Variants in DPCD observed in about 807,000 individuals in gnomAD.
The protein encoded by DPCD is protein DPCD.
A neutral mutation model predicts 26.4 loss-of-function variants in DPCD; 20 were observed. The ratio of observed to expected loss-of-function variants is 0.76; its 90% CI spans 0.53 to 1.10. The LOEUF is 1.10. Among genes scored for constraint, DPCD ranks in the 50% least tolerant of loss-of-function variants. The probability of loss-of-function intolerance (pLI) is 0.00; values close to 1 mark genes in which losing one functional copy is unlikely to be tolerated. For missense variants in DPCD, 202 were observed against 253.9 expected (o/e 0.80, Z 1.39); for synonymous variants, 97 against 94.2 (o/e 1.03, Z -0.17).
intron 4 of DPCD, among the ~76,000 whole-genome samples, chr10:101,604,983 A>T (rs1190524443): frequency 1.3e-5 from 2 of 152,192 alleles, no homozygotes; most frequent in Non-Finnish European, 2.9e-5. Context: ...TAAATTTAAG[A>T]AACTCTGGAT....
intron 5 of DPCD, 65 bp downstream of exon 5, chr10:101,609,002 TC>T: frequency 7.5e-7 from 1 of 1,332,552 alleles, no homozygotes; most frequent in South Asian, 1.2e-5. Context: ...CCTGCCCACT[TC>T]CCATCCCATA....
chr10:101,608,345 A>AGAGGTAGTT (rs2063747070), intron 4 of DPCD, among the ~76,000 whole-genome samples: 1 of 152,226 alleles, frequency 6.6e-6, no homozygotes, highest in Non-Finnish European at 1.5e-5. Context: ...CAAAAGAGGA[A>AGAGGTAGTT]GAGGTAGTTG....
At chr10:101,597,076 C>T (rs1205927748) in intron 2 of DPCD, among the ~76,000 whole-genome samples, 1 of 152,160 alleles carries the variant, frequency 6.6e-6, no homozygotes, top group African/African-American at 2.4e-5. Flanking sequence ...AAACTGAAGG[C>T]CCCACAACAA....
intron 4 of DPCD, among the ~76,000 whole-genome samples, chr10:101,607,217 A>T (rs979015314): frequency 6.6e-6 from 1 of 152,116 alleles, no homozygotes; most frequent in Non-Finnish European, 1.5e-5. Flanking sequence ...CTTTGTGTTC[A>T]TCTAATCTCT....
At chr10:101,591,699 T>G (rs2063609338) in intron 1 of DPCD, among the ~76,000 whole-genome samples, 1 of 152,194 alleles carries the variant, frequency 6.6e-6, no homozygotes, top group Non-Finnish European at 1.5e-5. Context: ...CTTTTTTTTT[T>G]GAGACAAGTT....
chr10:101,605,334 G>T (rs2063726811), intron 4 of DPCD: 2 of 1,421,758 alleles, frequency 1.4e-6, no homozygotes, highest in South Asian at 2.8e-5. Flanking sequence ...AGGCTGGATT[G>T]GGGAGGGGAT....
chr10:101,606,357 C>T (rs2134781278), intron 4 of DPCD, among the ~76,000 whole-genome samples: 1 of 152,330 alleles, frequency 6.6e-6, no homozygotes, highest in African/African-American at 2.4e-5. Flanking sequence ...GACAGGGTTT[C>T]ACCATGTTGG....
chr10:101,602,606 G>A (rs1035300241), intron 4 of DPCD, among the ~76,000 whole-genome samples: 25 of 152,198 alleles, frequency 1.6e-4, no homozygotes, highest in East Asian at 3.8e-4. Flanking sequence ...GTTTATTCCC[G>A]TTATTGTTCT....
At chr10:101,609,165 G>A (rs561081214) in intron 5 of DPCD, 60 of 644,296 alleles carry the variant, frequency 9.3e-5, no homozygotes, top group African/African-American at 6.9e-4. Context: ...AAAGGGAAGC[G>A]GTGGAAATTG....
At chr10:101,601,878 G>A (rs184134443) in intron 4 of DPCD, among the ~76,000 whole-genome samples, 1 of 152,284 alleles carries the variant, frequency 6.6e-6, no homozygotes, top group East Asian at 1.9e-4. Flanking sequence ...TGGGCCGCTT[G>A]GAAGTCTCTT....
intron 2 of DPCD, among the ~76,000 whole-genome samples, chr10:101,595,237 C>G (rs1332854788): frequency 6.6e-6 from 1 of 152,176 alleles, no homozygotes; most frequent in Non-Finnish European, 1.5e-5. Flanking sequence ...CAAAGAGGGT[C>G]AAAACAGTGA....
At chr10:101,605,463 G>A (rs2063727441) in intron 4 of DPCD, among the ~76,000 whole-genome samples, 1 of 152,220 alleles carries the variant, frequency 6.6e-6, no homozygotes, top group Non-Finnish European at 1.5e-5. Context: ...CTTTGACATT[G>A]ACTTCAAGTT....
chr10:101,594,591 C>G, intron 1 of DPCD, 67 bp from the exon 2 acceptor site: 1 of 1,529,106 alleles, frequency 6.5e-7, no homozygotes, highest in East Asian at 2.3e-5. Flanking sequence ...CCAGGTAGGC[C>G]CCTTGATCTG....
intron 4 of DPCD, chr10:101,605,037 G>C (rs1322539021): frequency 8.0e-6 from 12 of 1,506,032 alleles, no homozygotes; most frequent in Non-Finnish European, 9.9e-6. Flanking sequence ...TTTAGTATGT[G>C]TGTGTGATTG....
chr10:101,601,372 A>G (rs1435426855), intron 4 of DPCD, 36 bp downstream of exon 4: 4 of 1,599,558 alleles, frequency 2.5e-6, no homozygotes, highest in East Asian at 4.6e-5. Flanking sequence ...GTGCTTGTGT[A>G]TGAGCGGGGT....
In DPCD at chr10:101,608,939, T is replaced by TAAGA. The variant is rs1157428509; in HGVS notation, c.507+3_507+6dup. Reference sequence around the variant, plus strand: ...GCCAACTGCACCCTGATCATCTCTGTAAGATTCACCCAGACTTCTTGGACA... The same window carrying TAAGA: ...GCCAACTGCACCCTGATCATCTCTGTAAGAAAGATTCACCCAGACTTCTTGGACA... On this transcript the variant is annotated splice_region_variant and intron_variant, in intron 5 of 5. Coordinates refer to ENST00000370151, the MANE Select transcript of DPCD (RefSeq NM_015448.3). The TAAGA allele has an allele frequency of 1.2e-6, 2 of 1,609,914 alleles. No homozygotes were observed. The highest frequency in any genetic ancestry group is 3.3e-5 in the Admixed American group (2 of 59,998).
At chr10:101,602,297 G>T (rs370151518) in intron 4 of DPCD, among the ~76,000 whole-genome samples, 2 of 152,206 alleles carry the variant, frequency 1.3e-5, no homozygotes, top group African/African-American at 4.8e-5. Flanking sequence ...CTCAGGTGAT[G>T]TGGTGCCAGT....
intron 1 of DPCD, among the ~76,000 whole-genome samples, chr10:101,589,654 G>A (rs1337983772): frequency 1.3e-5 from 2 of 152,234 alleles, no homozygotes; most frequent in African/African-American, 4.8e-5. Flanking sequence ...CCGAGTGGGC[G>A]GATCCCTTGA....
Position 101,595,146 on chromosome 10 carries a change from G to A in DPCD, c.145+408G>A, listed in dbSNP as rs575959951. ...TTCTAAAGCCACACCAGGAGCAAGC[G>A]AGTATCAGAGGCAGAGCTTCTGAGC... On this transcript the variant is annotated intron_variant, in intron 2 of 5. Coordinates refer to ENST00000370151, the MANE Select transcript of DPCD (RefSeq NM_015448.3). 6.2e-4 allele frequency among the ~76,000 whole-genome samples: 94 copies of A among 152,280 alleles called. 1 individual carries two copies. Among genetic ancestry groups the A allele is most frequent in the African/African-American group, 2.0e-3 (82 of 41,550 alleles).
Sources: gnomAD v4.1 joint callset for allele counts (sites outside exome capture counted in the v4.1 genomes callset) on GRCh38, gnomAD v4.1.1 for gene constraint, MANE v1.5 for transcripts, NCBI Gene and HGNC (gene_info 2026-07-23, HGNC 2026-07-21) for gene names.